The following SLCO1B1 variants were observed in gnomAD, a reference collection of about 807,000 sequenced individuals.
SLCO1B1 encodes the protein solute carrier organic anion transporter family member 1B1.
A neutral mutation model predicts 70.1 loss-of-function variants in SLCO1B1; 81 were observed. The ratio of observed to expected loss-of-function variants is 1.16; its 90% confidence interval spans 0.97 to 1.39. SLCO1B1 has a LOEUF of 1.39. SLCO1B1 is among the 40% of genes most tolerant of loss of function. The pLI is 0.00. For missense variants in SLCO1B1, 895 were observed against 799.6 expected, an observed-to-expected ratio of 1.12 and a Z score of -1.44; for synonymous variants, 283 against 271.5, an observed-to-expected ratio of 1.04 and a Z score of -0.42.
intron 2 of SLCO1B1, among the ~76,000 whole-genome samples, chr12:21,163,445 ATTTG>A (rs1442602057): frequency 6.6e-6 from 1 of 152,090 alleles, no homozygotes; most frequent in East Asian, 1.9e-4. Flanking sequence ...AAAGGGTGTT[ATTTG>A]TTTGTTCAGA....
chr12:21,204,134 A>G (rs1289148008), intron 10 of SLCO1B1, among the ~76,000 whole-genome samples: 1 of 151,946 alleles, frequency 6.6e-6, no homozygotes, highest in Non-Finnish European at 1.5e-5. Context: ...TGCGACTGGG[A>G]TAAGTTTTTT....
chr12:21,167,886 G>A lies in SLCO1B1; in HGVS notation c.85-4764G>A, dbSNP rs375718928. On this transcript the variant is annotated intron_variant, in intron 2 of 14. Transcript: ENST00000256958. ...GGTTGGAGTGCAGTGGTGTGATCTC[G>A]TCTCACTGCAACCGCCGCCTCCTGG... Among the ~76,000 whole-genome samples, 42 of 145,496 alleles carry A rather than the reference G, an allele frequency of 2.9e-4. 1 individual carries two copies. In the South Asian group the frequency reaches 7.7e-3, roughly 27 times the overall value.
chr12:21,141,496 C>G lies in SLCO1B1; in HGVS notation c.-61-18C>G, dbSNP rs1193675754. On this transcript the variant is annotated intron_variant, in intron 1 of 14. Coordinates refer to ENST00000256958, the MANE Select transcript of SLCO1B1 (RefSeq NM_006446.5). ...TATTGTAAAAATAAAATAAACTATA[C>G]TTTTTCTTCCTTAATAGGTGATTGT... 5 of 811,004 alleles carry G rather than the reference C, an allele frequency of 6.2e-6. No homozygotes were observed. In the Admixed American group the frequency reaches 9.1e-5, roughly 15 times the overall value. 50.2% of individuals were successfully genotyped at this position (811,004 alleles called of 1,614,324 possible).
intron 7 of SLCO1B1, among the ~76,000 whole-genome samples, chr12:21,184,541 ACTC>A (rs1940942250): frequency 6.6e-6 from 1 of 152,070 alleles, no homozygotes. Flanking sequence ...AGAGAACTAA[ACTC>A]CTTCTCATAC....
chr12:21,198,586 C>A (rs1591817418), intron 8 of SLCO1B1, among the ~76,000 whole-genome samples: 1 of 151,632 alleles, frequency 6.6e-6, no homozygotes, highest in Admixed American at 6.6e-5. Flanking sequence ...GTAGGTGTGA[C>A]CCTAAGAAAG....
chr12:21,196,415 G>T (rs958100098), intron 7 of SLCO1B1, among the ~76,000 whole-genome samples: 1 of 152,014 alleles, frequency 6.6e-6, no homozygotes, highest in African/African-American at 2.4e-5. Flanking sequence ...ACTCTTCAGG[G>T]TTACTTTTAA....
intron 2 of SLCO1B1, among the ~76,000 whole-genome samples, chr12:21,163,487 G>C (rs1056692101): frequency 6.6e-6 from 1 of 151,952 alleles, no homozygotes; most frequent in Non-Finnish European, 1.5e-5. Flanking sequence ...AACTTTGTTG[G>C]CTTGAAATTG....
At chr12:21,142,345 G>A (rs75593707) in intron 2 of SLCO1B1, among the ~76,000 whole-genome samples, 2,560 of 151,946 alleles carry the variant, frequency 0.017, 29 homozygotes, top group Non-Finnish European at 0.028. Context: ...TAAATGAGAA[G>A]CCAAGACTCA....
rs139705720 is a variant in SLCO1B1, at chr12:21,182,127, T to G, written c.727+3107T>G. Among the ~76,000 whole-genome samples, 419 of 152,096 alleles carry G rather than the reference T, an allele frequency of 2.8e-3. 11 individuals are homozygous for G. In the East Asian group the frequency reaches 0.073, roughly 27 times the overall value. On this transcript the variant is annotated intron_variant, in intron 7 of 14. Transcript: ENST00000256958. ...AGAGAGGTGACACAGACACTGAGGC[T>G]GAAGAGAGAGAAAGCTGGAAACCCA...
At chr12:21,184,105 A>G (rs1375021212) in intron 7 of SLCO1B1, among the ~76,000 whole-genome samples, 1 of 152,196 alleles carries the variant, frequency 6.6e-6, no homozygotes, top group African/African-American at 2.4e-5. Flanking sequence ...CCTTCTGTAA[A>G]GAAACCAAGC....
chr12:21,150,021 G>C (rs933790845), intron 2 of SLCO1B1, among the ~76,000 whole-genome samples: 13 of 152,026 alleles, frequency 8.6e-5, no homozygotes, highest in African/African-American at 3.1e-4. Flanking sequence ...TAGGGGGAGG[G>C]GTGTCTGCCA....
At chr12:21,170,010 A>T (rs1940737586) in intron 2 of SLCO1B1, among the ~76,000 whole-genome samples, 1 of 151,560 alleles carries the variant, frequency 6.6e-6, no homozygotes. Flanking sequence ...TCTATAGAAG[A>T]CCCTCCCCTG....
chr12:21,208,807 G>C (rs1941243987), intron 11 of SLCO1B1, among the ~76,000 whole-genome samples: 1 of 151,822 alleles, frequency 6.6e-6, no homozygotes, highest in African/African-American at 2.4e-5. Flanking sequence ...TCTTTCATCA[G>C]GGTTTGTATT....
chr12:21,229,795 T>G (rs1285878687), intron 14 of SLCO1B1, among the ~76,000 whole-genome samples: 1 of 152,250 alleles, frequency 6.6e-6, no homozygotes, highest in Non-Finnish European at 1.5e-5. Flanking sequence ...ACTTAGACAA[T>G]TATGTCATAT....
chr12:21,167,818 CTTT>C (rs202063952), intron 2 of SLCO1B1, among the ~76,000 whole-genome samples: 3 of 132,044 alleles, frequency 2.3e-5, no homozygotes, highest in Non-Finnish European at 3.3e-5. Flanking sequence ...TCTTTCTTTT[CTTT>C]TTTTTTTTTT....
intron 13 of SLCO1B1, 104 bp from the exon 14 acceptor site, chr12:21,224,618 A>G: frequency 1.3e-6 from 1 of 774,756 alleles, no homozygotes; most frequent in Admixed American, 2.0e-5. Context: ...GAATCCTCCA[A>G]ATTTTTGAAC....
intron 8 of SLCO1B1, 104 bp from the exon 9 acceptor site, chr12:21,200,403 GT>G (rs1325792256): frequency 1.5e-5 from 10 of 672,038 alleles, no homozygotes; most frequent in Non-Finnish European, 2.4e-5. Flanking sequence ...TGTGTTATGT[GT>G]TTATAGAATT....
At position 21,141,501 on chromosome 12, in the gene SLCO1B1, T is replaced by C; in HGVS notation, c.-61-13T>C. 1 of 848,738 alleles carries C rather than the reference T, an allele frequency of 1.2e-6. No individual in the cohort carries two copies. The highest frequency in any genetic ancestry group is 2.0e-6 in the Non-Finnish European group (1 of 498,980). The allele number at this position is 848,738 out of a possible 1,614,324, so 52.6% of individuals were successfully genotyped here. On this transcript the variant is annotated splice_polypyrimidine_tract_variant and intron_variant, in intron 1 of 14. Coordinates refer to ENST00000256958, the MANE Select transcript of SLCO1B1 (RefSeq NM_006446.5). Reference sequence around the variant, plus strand: ...TAAAAATAAAATAAACTATACTTTTTCTTCCTTAATAGGTGATTGTTTCAA... The same window carrying C: ...TAAAAATAAAATAAACTATACTTTTCCTTCCTTAATAGGTGATTGTTTCAA...
At chr12:21,142,069 T>TAA (rs201192922) in intron 2 of SLCO1B1, among the ~76,000 whole-genome samples, 567 of 54,166 alleles carry the variant, frequency 0.01, 5 homozygotes, top group Middle Eastern at 0.045. Flanking sequence ...AAAAATTCTT[T>TAA]TAAAAAAAAA....
Sources: allele counts gnomAD v4.1 joint callset (sites outside exome capture counted in the v4.1 genomes callset), GRCh38; gene constraint gnomAD v4.1.1; transcripts MANE v1.5; gene names NCBI Gene and HGNC (gene_info 2026-07-23, HGNC 2026-07-21).